The following TENM3 variants were observed in gnomAD, a reference collection of about 807,000 sequenced individuals.
The protein encoded by TENM3 is teneurin transmembrane protein 3.
A neutral mutation model predicts 255.1 loss-of-function variants in TENM3; 63 were observed. The observed-to-expected ratio is 0.25, with a 90% CI of 0.20 to 0.30. The LOEUF is 0.30. Ranked by LOEUF, TENM3 falls within the 10% of genes least tolerant of loss-of-function variation. The probability of loss-of-function intolerance (pLI) is 1.00; values close to 1 mark genes in which losing one functional copy is unlikely to be tolerated. For synonymous variants in TENM3, 1,306 were observed against 1,322.3 expected (o/e 0.99, Z 0.27); for missense variants, 2,929 against 3,461.1 (o/e 0.85, Z 3.86).
At chr4:182,138,495 T>G in the TENM3 span, among the ~76,000 whole-genome samples, 5 of 152,160 alleles carry the variant, frequency 3.3e-5, no homozygotes, top group Admixed American at 6.5e-5. Context: ...CTAAATTCCA[T>G]GCCAGATCAA....
At chr4:181,722,990 T>A in the TENM3 span, among the ~76,000 whole-genome samples, 1 of 152,040 alleles carries the variant, frequency 6.6e-6, no homozygotes, top group Non-Finnish European at 1.5e-5. Context: ...TATTTTTGGC[T>A]TCTGAGCTCA....
At chr4:181,741,452 C>A in the TENM3 span, among the ~76,000 whole-genome samples, 2 of 151,960 alleles carry the variant, frequency 1.3e-5, no homozygotes, top group Non-Finnish European at 2.9e-5. Flanking sequence ...AGTCTCATAT[C>A]TGTAGAAATA....
At chr4:182,610,744 CTT>C (rs34833684) in intron 4 of TENM3, among the ~76,000 whole-genome samples, 85 of 134,392 alleles carry the variant, frequency 6.3e-4, no homozygotes, top group Non-Finnish European at 7.9e-4. Context: ...ACTAAAGTTA[CTT>C]TTTTTTTTTT....
the TENM3 span, among the ~76,000 whole-genome samples, chr4:181,701,562 TTCTCAGTC>T: frequency 5.7e-5 from 3 of 53,062 alleles, no homozygotes; most frequent in East Asian, 3.8e-3. Flanking sequence ...ATAAATCAGT[TTCTCAGTC>T]TGAAATAAAT....
At chr4:181,979,808 G>C in the TENM3 span, among the ~76,000 whole-genome samples, 20 of 152,296 alleles carry the variant, frequency 1.3e-4, no homozygotes, top group African/African-American at 4.8e-4. Context: ...GACAACCCCA[G>C]ATTCAAACTG....
At chr4:182,728,792 T>C (rs766696808) in intron 13 of TENM3, among the ~76,000 whole-genome samples, 173 bp from the exon 14 acceptor site, 3 of 152,172 alleles carry the variant, frequency 2.0e-5, no homozygotes, top group Non-Finnish European at 4.4e-5. Context: ...CATGTGACTA[T>C]TGTATTTCTA....
At chr4:181,586,983 A>C in the TENM3 span, among the ~76,000 whole-genome samples, 1 of 152,170 alleles carries the variant, frequency 6.6e-6, no homozygotes, top group African/African-American at 2.4e-5. Flanking sequence ...GCTCAACCCA[A>C]GTACACTTTT....
chr4:181,524,595 G>T, the TENM3 span, among the ~76,000 whole-genome samples: 14 of 152,268 alleles, frequency 9.2e-5, no homozygotes, highest in East Asian at 2.3e-3. Flanking sequence ...AATTATCTAT[G>T]GTTCCCCAGC....
At chr4:182,609,196 C>G (rs1372187015) in intron 4 of TENM3, among the ~76,000 whole-genome samples, 1 of 152,142 alleles carries the variant, frequency 6.6e-6, no homozygotes, top group Non-Finnish European at 1.5e-5. Context: ...GTCTGCTATG[C>G]AGTCTACCCA....
the TENM3 span, among the ~76,000 whole-genome samples, chr4:181,483,888 T>C: frequency 3.3e-5 from 5 of 152,208 alleles, no homozygotes; most frequent in Non-Finnish European, 7.4e-5. Flanking sequence ...TTCTTTTCTC[T>C]GTAGTCAAAA....
intron 3 of TENM3, among the ~76,000 whole-genome samples, chr4:182,456,778 G>T (rs1773909509): frequency 6.6e-6 from 1 of 152,164 alleles, no homozygotes; most frequent in Non-Finnish European, 1.5e-5. Flanking sequence ...ATGTTGGAAG[G>T]ACTGACAAAT....
chr4:181,457,756 A>G, the TENM3 span, among the ~76,000 whole-genome samples: 6 of 151,904 alleles, frequency 3.9e-5, no homozygotes, highest in Non-Finnish European at 7.4e-5. Flanking sequence ...AAAGAGGAAT[A>G]CAATTGAATT....
chr4:182,450,586 T>C (rs1773374424), intron 3 of TENM3, among the ~76,000 whole-genome samples: 1 of 152,200 alleles, frequency 6.6e-6, no homozygotes, highest in Admixed American at 6.5e-5. Context: ...TATGTTTAAT[T>C]TAAAGAGGTG....
the TENM3 span, among the ~76,000 whole-genome samples, chr4:181,583,308 T>G: frequency 3.9e-5 from 6 of 152,108 alleles, no homozygotes; most frequent in African/African-American, 1.4e-4. Context: ...ACAAACCATG[T>G]TTTTGAGGGA....
chr4:181,756,961 G>A, the TENM3 span, among the ~76,000 whole-genome samples: 1 of 152,148 alleles, frequency 6.6e-6, no homozygotes, highest in Non-Finnish European at 1.5e-5. Flanking sequence ...ATCATATTTT[G>A]TGTTGGTGGC....
At chr4:182,029,517 G>A in the TENM3 span, among the ~76,000 whole-genome samples, 27 of 152,078 alleles carry the variant, frequency 1.8e-4, no homozygotes, top group Non-Finnish European at 2.4e-4. Context: ...GTCATCCAAC[G>A]TTGGGTGCAT....
intron 2 of TENM3, among the ~76,000 whole-genome samples, 173 bp from the exon 3 acceptor site, chr4:182,346,478 C>T (rs994394875): frequency 5.9e-5 from 9 of 151,946 alleles, no homozygotes; most frequent in African/African-American, 1.5e-4. Context: ...CATAATTGCG[C>T]CCACTTGATC....
intron 6 of TENM3, among the ~76,000 whole-genome samples, chr4:182,669,356 G>T (rs865890413): frequency 6.6e-6 from 1 of 151,968 alleles, no homozygotes; most frequent in Non-Finnish European, 1.5e-5. Flanking sequence ...TGCAAGCTCC[G>T]CCTCCCAGGT....
chr4:182,184,686 C>A (rs183676656), intron 1 of TENM3, among the ~76,000 whole-genome samples: 24 of 152,240 alleles, frequency 1.6e-4, no homozygotes, highest in African/African-American at 4.8e-4. Context: ...ACAGATGGAA[C>A]TACCTAGCTA....
Sources: gnomAD v4.1 joint callset for allele counts (sites outside exome capture counted in the v4.1 genomes callset) on GRCh38, gnomAD v4.1.1 for gene constraint, MANE v1.5 for transcripts, NCBI Gene and HGNC (gene_info 2026-07-23, HGNC 2026-07-21) for gene names.